GBP4: variants seen among roughly 807,000 people sequenced by gnomAD.
GBP4 encodes guanylate binding protein 4, also known as guanylate-binding protein 4.
In GBP4, 69 loss-of-function variants were observed where a neutral mutation model predicts 62.2. The observed-to-expected ratio is 1.11, with a 90% CI of 0.91 to 1.36. The LOEUF is 1.36. GBP4 is among the 40% of genes most tolerant of loss of function. The pLI, the probability that GBP4 is intolerant of heterozygous loss-of-function variation, is 0.00. For synonymous variants in GBP4, 278 were observed against 274.6 expected (o/e 1.01, Z -0.12); for missense variants, 697 against 759.3 (o/e 0.92, Z 0.96).
At chr1:89,195,466 G>A (rs1242091894) in intron 2 of GBP4, 42 bp from the exon 3 acceptor site, 1 of 1,608,636 alleles carries the variant, frequency 6.2e-7, no homozygotes, top group Non-Finnish European at 8.5e-7. Context: ...ACAGTGGATA[G>A]ACCAGGATGT....
At position 89,195,309 on chromosome 1, in the gene GBP4, G is replaced by A. The variant is rs754435452; in HGVS notation, c.351C>T (p.Gly117=). ...TTCTCTGCCTTACCTTTTCTACATCGCCCAGGCCCTCGGTGTCCAGAAGGA... is the reference window on the plus strand; with the variant it reads ...TTCTCTGCCTTACCTTTTCTACATCACCCAGGCCCTCGGTGTCCAGAAGGA... ...TLVLLDTEGL[G]DVEKSNPKND... Residue 117 remains glycine (G), a synonymous_variant, in exon 3 of 11, where the codon GGC becomes GGT. Coordinates refer to ENST00000355754, the MANE Select transcript of GBP4 (RefSeq NM_052941.5). The A allele has an allele frequency of 5.0e-6, 8 of 1,613,578 alleles. No homozygotes were observed. The highest frequency in any genetic ancestry group is 1.7e-5 in the Admixed American group (1 of 60,004).
intron 5 of GBP4, among the ~76,000 whole-genome samples, chr1:89,191,734 T>A (rs1235337815): frequency 2.0e-5 from 3 of 152,214 alleles, no homozygotes; most frequent in Non-Finnish European, 4.4e-5. Context: ...GGAAGACATC[T>A]ACCACAAAAT....
chr1:89,188,718 A>G lies in GBP4; in HGVS notation c.1274T>C (p.Leu425Pro), dbSNP rs1648105686. 3 of 1,614,124 alleles carry G rather than the reference A, an allele frequency of 1.9e-6. No homozygotes were observed. Among genetic ancestry groups the G allele is most frequent in the East Asian group, 4.5e-5 (2 of 44,900 alleles). Reference protein sequence around the residue: ...EASAKYCQAELKRLSEHLTES... With the variant: ...EASAKYCQAEPKRLSEHLTES... ...TGTCAGGTGCTCTGAAAGCCGCTTAAGCTCAGCCTGGCAATATTTGGCAGA... is the reference window on the plus strand; with the variant it reads ...TGTCAGGTGCTCTGAAAGCCGCTTAGGCTCAGCCTGGCAATATTTGGCAGA... The change falls in exon 8 of 11, where the codon CTT (leucine) becomes CCT (proline). Residue 425 changes from leucine to proline, a missense_variant. Coordinates refer to ENST00000355754, the MANE Select transcript of GBP4 (RefSeq NM_052941.5).
Position 89,188,212 on chromosome 1 carries a change from G to A in GBP4, c.1410+370C>T, listed in dbSNP as rs183633755. Among the ~76,000 whole-genome samples, 265 of 152,118 alleles carry A rather than the reference G, an allele frequency of 1.7e-3. 1 individual carries two copies. Among genetic ancestry groups the A allele is most frequent in the Non-Finnish European group, 1.8e-3 (123 of 67,996 alleles). On this transcript the variant is annotated intron_variant, in intron 8 of 10. Coordinates refer to ENST00000355754, the MANE Select transcript of GBP4 (RefSeq NM_052941.5). ...ATTAGTACATACCAGTACGATAACC[G>A]TAATTGTACCCTATCCAGTCAAATA...
intron 1 of GBP4, 146 bp from the exon 2 acceptor site, chr1:89,197,450 C>T (rs898563822): frequency 1.5e-5 from 8 of 543,974 alleles, no homozygotes; most frequent in African/African-American, 9.7e-5. Context: ...TATATTTCTA[C>T]GTTTAATGGT....
In GBP4 at chr1:89,193,341, G is replaced by A. The variant is rs1216998192; in HGVS notation, c.435C>T (p.Ser145=). Residue 145 remains serine (S), a synonymous_variant, in exon 4 of 11, where the codon AGC becomes AGT. Coordinates refer to ENST00000355754, the MANE Select transcript of GBP4 (RefSeq NM_052941.5). ...VLLSSSFVYN[S]VSTINHQALE... ...GGGCCTGGTGGTTGATGGTGCTCAC[G>A]CTGTTATAGACAAAGCTGCTGCTTA... 4 of 1,614,070 alleles carry A rather than the reference G, an allele frequency of 2.5e-6. No individual in the cohort carries two copies. Among genetic ancestry groups the A allele is most frequent in the East Asian group, 2.2e-5 (1 of 44,874 alleles).
chr1:89,189,523 A>G (rs959091815), intron 7 of GBP4, among the ~76,000 whole-genome samples: 1 of 152,240 alleles, frequency 6.6e-6, no homozygotes, highest in Non-Finnish European at 1.5e-5. Context: ...GTTGTGTAGC[A>G]CAAGTTGACT....
intron 9 of GBP4, 132 bp from the exon 10 acceptor site, chr1:89,186,658 T>A: frequency 1.2e-6 from 1 of 810,148 alleles, no homozygotes; most frequent in Non-Finnish European, 1.9e-6. Context: ...ATTATCTCAC[T>A]AGCCATGTCT....
chr1:89,186,561 G>A, intron 9 of GBP4, 35 bp from the exon 10 acceptor site: 1 of 1,591,914 alleles, frequency 6.3e-7, no homozygotes, highest in Non-Finnish European at 8.6e-7. Flanking sequence ...GGAAGAAAAT[G>A]ACAGTTATTC....
intron 1 of GBP4, 150 bp downstream of exon 1, chr1:89,198,645 C>T: frequency 4.1e-6 from 3 of 730,562 alleles, no homozygotes; most frequent in Non-Finnish European, 7.3e-6. Context: ...CAAGCAGCAT[C>T]AGACTTCCCC....
At chr1:89,198,322 G>C (rs1351428947) in intron 1 of GBP4, among the ~76,000 whole-genome samples, 1 of 152,088 alleles carries the variant, frequency 6.6e-6, no homozygotes, top group Non-Finnish European at 1.5e-5. Flanking sequence ...GAGGAAGCGG[G>C]TGGGTAAGGG....
In GBP4 at chr1:89,197,301, T is replaced by C. The variant is rs778950153; in HGVS notation, c.44A>G (p.Tyr15Cys). The change falls in exon 2 of 11, where the codon TAT becomes TGT. Residue 15 changes from tyrosine (Y) to cysteine (C), a missense_variant. Tyr to Cys is a radical substitution (Grantham distance 194, BLOSUM62 -2). Transcript: ENST00000355754. Reference sequence around the variant, plus strand: ...CATCATGATGGATTCAGATTCTGGATAACCTGTAACCCAGAAAAAAATACT... The same window carrying C: ...CATCATGATGGATTCAGATTCTGGACAACCTGTAACCCAGAAAAAAATACT... Reference protein sequence around the residue: ...TLHAAVPTPGYPESESIMMAP... With the variant: ...TLHAAVPTPGCPESESIMMAP... The C allele has an allele frequency of 4.3e-6, 7 of 1,613,086 alleles. No homozygotes were observed. Among genetic ancestry groups the C allele is most frequent in the Middle Eastern group, 1.7e-4 (1 of 6,038 alleles).
rs1648306623 is a variant in GBP4 at position 89,195,400 on chromosome 1, T to C, written c.260A>G (p.Gln87Arg). ...RNGFPLGSTV[Q>R]SETKGIWMWC... is the part of the protein sequence containing the mutation. ...CATCCAGATGCCCTTAGTTTCAGAC[T>C]GCACCGTGGAGCCCAGAGGGAAGCC... The change falls in exon 3 of 11, where the codon CAG becomes CGG. Residue 87 changes from glutamine (Q) to arginine (R), a missense_variant. Coordinates refer to ENST00000355754, the MANE Select transcript of GBP4 (RefSeq NM_052941.5). 1 of 1,613,960 alleles carries C rather than the reference T, an allele frequency of 6.2e-7. No individual in the cohort carries two copies. The highest frequency in any genetic ancestry group is 2.2e-5 in the East Asian group (1 of 44,886).
intron 2 of GBP4, 33 bp downstream of exon 2, chr1:89,197,077 A>G: frequency 6.4e-7 from 1 of 1,570,032 alleles, no homozygotes; most frequent in Non-Finnish European, 8.7e-7. Flanking sequence ...ACTGGTTCCA[A>G]GTAAATGGCT....
chr1:89,187,194 A>G (rs1260832211), intron 8 of GBP4, 92 bp from the exon 9 acceptor site: 3 of 981,436 alleles, frequency 3.1e-6, no homozygotes, highest in African/African-American at 1.6e-5. Flanking sequence ...CACAAATCTA[A>G]CCCTGTAAAC....
chr1:89,190,171 TG>T lies in GBP4; in HGVS notation c.1063del (p.Gln355SerfsTer3). 6.2e-7 allele frequency: 1 copy of T among 1,614,174 alleles called. No homozygotes were observed. The highest frequency in any genetic ancestry group is 8.5e-7 in the Non-Finnish European group (1 of 1,180,026). Reference protein sequence around the residue: ...AADHYSQQMAQQLRLPTDTLQ... With the variant: ...AADHYSQQMAXQLRLPTDTLQ... ...CGTGTCTGTGGGGAGCCTCAGTTGC[TG>T]GGCCATCTGCTGGCTATAGTGGTCG... On this transcript the variant is annotated frameshift_variant, in exon 7 of 11. Coordinates refer to ENST00000355754, the MANE Select transcript of GBP4 (RefSeq NM_052941.5). LOFTEE classifies it high-confidence loss of function.
intron 1 of GBP4, among the ~76,000 whole-genome samples, chr1:89,198,096 G>C (rs1413966557): frequency 6.6e-6 from 1 of 152,144 alleles, no homozygotes; most frequent in Non-Finnish European, 1.5e-5. Flanking sequence ...ATGGTTACAG[G>C]AAAGTAAACA....
chr1:89,186,220 C>T (rs1259889351), intron 10 of GBP4, 113 bp downstream of exon 10: 6 of 795,000 alleles, frequency 7.5e-6, no homozygotes, highest in East Asian at 4.9e-5. Context: ...GTGAAACATA[C>T]AACTTTTGTG....
intron 5 of GBP4, among the ~76,000 whole-genome samples, chr1:89,192,374 G>GTT (rs143739751): frequency 0.069 from 10,463 of 151,598 alleles, 1,171 homozygotes; most frequent in African/African-American, 0.24. Flanking sequence ...GGAAGCATAT[G>GTT]TGTTTTTTTT....
Sources: gnomAD v4.1 joint callset for allele counts (sites outside exome capture counted in the v4.1 genomes callset) on GRCh38, gnomAD v4.1.1 for gene constraint, MANE v1.5 for transcripts, NCBI Gene and HGNC (gene_info 2026-07-23, HGNC 2026-07-21) for gene names.